Variants in CWC27 observed in about 807,000 individuals in gnomAD.
The protein encoded by CWC27 is spliceosome-associated protein CWC27 homolog.
A neutral mutation model predicts 63.6 loss-of-function variants in CWC27; 47 were observed. That is an observed-to-expected ratio of 0.74 (90% CI 0.58 to 0.94). The LOEUF (loss-of-function observed/expected upper bound fraction) is 0.94, where lower values mean the gene tolerates loss of function less well. Among genes scored for constraint, CWC27 ranks in the 40% least tolerant of loss-of-function variants. The pLI is 0.00. For synonymous variants in CWC27, 175 were observed against 179.8 expected, an observed-to-expected ratio of 0.97 and a Z score of 0.22; for missense variants, 495 against 554.3, an observed-to-expected ratio of 0.89 and a Z score of 1.07.
intron 13 of CWC27, among the ~76,000 whole-genome samples, chr5:65,009,946 C>T (rs1749917031): frequency 6.6e-6 from 1 of 152,166 alleles, no homozygotes; most frequent in Non-Finnish European, 1.5e-5. Context: ...GATGTTTGAT[C>T]CTCAGGCCAC....
At chr5:64,876,743 T>C (rs1158785737) in intron 10 of CWC27, among the ~76,000 whole-genome samples, 1 of 151,926 alleles carries the variant, frequency 6.6e-6, no homozygotes, top group East Asian at 1.9e-4. Flanking sequence ...ATAATAGATA[T>C]AACTAGAAGT....
intron 12 of CWC27, among the ~76,000 whole-genome samples, chr5:64,972,855 C>G (rs903395446): frequency 3.3e-5 from 5 of 152,172 alleles, no homozygotes; most frequent in Non-Finnish European, 5.9e-5. Flanking sequence ...CATCCCTGCT[C>G]TCTCTGATCT....
chr5:64,944,362 G>GC (rs1748547619), intron 11 of CWC27, among the ~76,000 whole-genome samples: 1 of 151,968 alleles, frequency 6.6e-6, no homozygotes, highest in Admixed American at 6.6e-5. Flanking sequence ...CAACTGCTTA[G>GC]CCCTCTTAAG....
intron 10 of CWC27, among the ~76,000 whole-genome samples, chr5:64,821,086 A>ATTT (rs11388495): frequency 0.019 from 2,512 of 132,644 alleles, 72 homozygotes; most frequent in South Asian, 0.029. Flanking sequence ...AAACAAAGCA[A>ATTT]TTTTTTTTTT....
intron 13 of CWC27, among the ~76,000 whole-genome samples, chr5:64,994,319 A>G (rs1022517255): frequency 1.2e-4 from 18 of 151,990 alleles, no homozygotes; most frequent in African/African-American, 4.4e-4. Context: ...ATCTCTTTTG[A>G]TGGTTATATA....
chr5:64,939,776 T>A (rs1481751944), intron 11 of CWC27, among the ~76,000 whole-genome samples: 1 of 152,132 alleles, frequency 6.6e-6, no homozygotes, highest in African/African-American at 2.4e-5. Flanking sequence ...TATAATCCCC[T>A]GAATGGGACC....
At chr5:64,892,812 G>A (rs1297513440) in intron 11 of CWC27, among the ~76,000 whole-genome samples, 1 of 151,530 alleles carries the variant, frequency 6.6e-6, no homozygotes, top group Non-Finnish European at 1.5e-5. Context: ...GATAGCCAGG[G>A]ACTACATTTC....
At chr5:64,886,694 G>A (rs1156793010) in intron 11 of CWC27, among the ~76,000 whole-genome samples, 1 of 152,042 alleles carries the variant, frequency 6.6e-6, no homozygotes, top group Non-Finnish European at 1.5e-5. Flanking sequence ...AATCCCCAAT[G>A]ACTATTTTCA....
intron 13 of CWC27, among the ~76,000 whole-genome samples, chr5:64,982,824 T>G (rs1486951799): frequency 6.6e-6 from 1 of 152,192 alleles, no homozygotes; most frequent in East Asian, 1.9e-4. Context: ...AGACTGGTAC[T>G]GGTCCATGGC....
At chr5:64,976,469 CCTTT>C (rs1323438955) in intron 12 of CWC27, among the ~76,000 whole-genome samples, 4 of 152,002 alleles carry the variant, frequency 2.6e-5, no homozygotes, top group Admixed American at 2.0e-4. Context: ...TAGTGAATTA[CCTTT>C]CTTTCTTATA....
chr5:65,000,608 G>A (rs925385705), intron 13 of CWC27, among the ~76,000 whole-genome samples: 1 of 151,856 alleles, frequency 6.6e-6, no homozygotes, highest in Admixed American at 6.6e-5. Context: ...TATGTTCTTG[G>A]CACCTTTGTT....
chr5:65,004,146 T>C (rs77830693), intron 13 of CWC27, among the ~76,000 whole-genome samples: 4 of 152,144 alleles, frequency 2.6e-5, no homozygotes, highest in South Asian at 2.1e-4. Flanking sequence ...TGCCTGGCCT[T>C]GTCTTTCACT....
At chr5:64,947,948 C>G (rs948875616) in intron 11 of CWC27, among the ~76,000 whole-genome samples, 4 of 152,016 alleles carry the variant, frequency 2.6e-5, no homozygotes, top group African/African-American at 9.7e-5. Flanking sequence ...ATCAAAAGCT[C>G]CAATCTTTTA....
At chr5:64,923,414 G>C (rs1489012896) in intron 11 of CWC27, among the ~76,000 whole-genome samples, 1 of 151,078 alleles carries the variant, frequency 6.6e-6, no homozygotes, top group African/African-American at 2.4e-5. Context: ...CCTTCCTTAG[G>C]AGCCATTAAG....
intron 12 of CWC27, 50 bp downstream of exon 12, chr5:64,971,862 T>G: frequency 8.2e-7 from 1 of 1,226,320 alleles, no homozygotes; most frequent in Non-Finnish European, 1.1e-6. Context: ...TTTTTATTGT[T>G]TTTAAGTGTT....
At chr5:64,869,169 A>G (rs972997895) in intron 10 of CWC27, among the ~76,000 whole-genome samples, 1 of 152,098 alleles carries the variant, frequency 6.6e-6, no homozygotes, top group African/African-American at 2.4e-5. Flanking sequence ...GAAACTTGCC[A>G]TGTATCTCAT....
chr5:64,857,288 T>G (rs1746279492), intron 10 of CWC27, among the ~76,000 whole-genome samples: 1 of 152,200 alleles, frequency 6.6e-6, no homozygotes. Context: ...CAAAGACAGA[T>G]GTCTCTGTGC....
intron 11 of CWC27, among the ~76,000 whole-genome samples, chr5:64,940,669 T>A (rs925266380): frequency 2.0e-5 from 3 of 152,168 alleles, no homozygotes; most frequent in Non-Finnish European, 4.4e-5. Flanking sequence ...AAAAAAGGGC[T>A]TTCCTTTGTT....
At chr5:64,862,640 GT>G (rs1746438207) in intron 10 of CWC27, among the ~76,000 whole-genome samples, 1 of 152,182 alleles carries the variant, frequency 6.6e-6, no homozygotes, top group African/African-American at 2.4e-5. Flanking sequence ...TTTGCAAAAT[GT>G]TTTTTATAGC....
Sources: allele counts gnomAD v4.1 joint callset (sites outside exome capture counted in the v4.1 genomes callset), GRCh38; gene constraint gnomAD v4.1.1; transcripts MANE v1.5; gene names NCBI Gene and HGNC (gene_info 2026-07-23, HGNC 2026-07-21).